VPS13A: variants seen among roughly 807,000 people sequenced by gnomAD.
The protein encoded by VPS13A is intermembrane lipid transfer protein VPS13A.
A neutral mutation model predicts 390.9 loss-of-function variants in VPS13A; 264 were observed. The ratio of observed to expected loss-of-function variants is 0.68; its 90% CI spans 0.61 to 0.75. The LOEUF (loss-of-function observed/expected upper bound fraction) is 0.75. Among genes scored for constraint, VPS13A ranks in the 30% least tolerant of loss-of-function variants. The probability of loss-of-function intolerance (pLI) is 0.00; values close to 1 mark genes in which losing one functional copy is unlikely to be tolerated. For synonymous variants in VPS13A, 1,231 were observed against 1,227.1 expected (o/e 1.00, Z -0.07); for missense variants, 3,409 against 3,733.9 (o/e 0.91, Z 2.27).
intron 4 of VPS13A, 96 bp downstream of exon 4, chr9:77,205,504 T>A: frequency 1.9e-6 from 1 of 536,480 alleles, no homozygotes; most frequent in Admixed American, 4.3e-5. Flanking sequence ...TTTTTGAGAT[T>A]TTAATATTTA....
intron 7 of VPS13A, among the ~76,000 whole-genome samples, chr9:77,212,567 C>T (rs1328999344): frequency 1.3e-5 from 2 of 152,090 alleles, no homozygotes; most frequent in East Asian, 1.9e-4. Flanking sequence ...AACTCCTGGC[C>T]TCAAGCAATC....
chr9:77,347,513 G>C (rs764867077), intron 52 of VPS13A, among the ~76,000 whole-genome samples: 3 of 152,042 alleles, frequency 2.0e-5, no homozygotes, highest in African/African-American at 2.4e-5. Context: ...GTCTCAATCT[G>C]TTGCCCAGGC....
At chr9:77,310,929 A>T (rs1253656972) in intron 35 of VPS13A, among the ~76,000 whole-genome samples, 2 of 145,924 alleles carry the variant, frequency 1.4e-5, no homozygotes, top group Non-Finnish European at 3.0e-5. Flanking sequence ...ACTTTCACTA[A>T]TTTTTTTTTT....
In VPS13A at chr9:77,177,546, C is replaced by A; in HGVS notation, c.-159C>A. On this transcript the variant is annotated 5_prime_UTR_variant, in exon 1 of 72. Transcript: ENST00000360280. ...CGTGAGAGCGACCGCCTCCGTCTCT[C>A]GCTGGGCTCGCTAGGGCTGCGCGTT... is the stretch of plus-strand genomic sequence containing the variant. 1.5e-6 allele frequency: 1 copy of A among 673,018 alleles called. No homozygotes were observed. Among genetic ancestry groups the A allele is most frequent in the Non-Finnish European group, 2.6e-6 (1 of 381,282 alleles). The allele number at this position is 673,018 out of a possible 1,614,324, so 41.7% of individuals were successfully genotyped here. A position where few individuals can be genotyped will look rare whatever the true frequency, so the allele number is the denominator to read the frequency against.
chr9:77,269,969 C>G (rs1288884987), intron 23 of VPS13A, among the ~76,000 whole-genome samples: 2 of 152,090 alleles, frequency 1.3e-5, no homozygotes, highest in Non-Finnish European at 2.9e-5. Flanking sequence ...TGAGGAAAGC[C>G]CATGTGAGGA....
In VPS13A at chr9:77,419,647, G is replaced by T. The variant is rs1484758622; in HGVS notation, c.*3641G>T. On this transcript the variant is annotated 3_prime_UTR_variant, in exon 72 of 72. Transcript: ENST00000360280. ...CGGGCAACCTCACATGATTCAGTGGGACCAGAAAAAGCATAGAAAAATTAG... is the reference window on the plus strand; with the variant it reads ...CGGGCAACCTCACATGATTCAGTGGTACCAGAAAAAGCATAGAAAAATTAG... 6.6e-6 allele frequency: 1 copy of T among 151,918 alleles called. No individual in the cohort carries two copies. The highest frequency in any genetic ancestry group is 2.4e-5 in the African/African-American group (1 of 41,332). 9.4% of individuals were successfully genotyped at this position (151,918 alleles called of 1,614,324 possible). A position where few individuals can be genotyped will look rare whatever the true frequency, so the allele number is the denominator to read the frequency against.
intron 17 of VPS13A, among the ~76,000 whole-genome samples, chr9:77,232,295 G>A (rs1417013662): frequency 6.6e-6 from 1 of 152,082 alleles, no homozygotes; most frequent in Non-Finnish European, 1.5e-5. Context: ...TCCATTTCTG[G>A]AAAGTGTCTC....
chr9:77,300,460 G>T (rs575293391), intron 33 of VPS13A, among the ~76,000 whole-genome samples: 9 of 152,274 alleles, frequency 5.9e-5, no homozygotes, highest in African/African-American at 1.4e-4. Context: ...TGCTGGGCAC[G>T]TTGGCTTACG....
At chr9:77,199,081 C>G (rs1283446588) in intron 1 of VPS13A, among the ~76,000 whole-genome samples, 1 of 152,176 alleles carries the variant, frequency 6.6e-6, no homozygotes, top group African/African-American at 2.4e-5. Context: ...TTGCTAATTA[C>G]TTTCTATGTG....
chr9:77,260,771 C>CAAT (rs1407316586), intron 23 of VPS13A, among the ~76,000 whole-genome samples: 1 of 152,138 alleles, frequency 6.6e-6, no homozygotes, highest in African/African-American at 2.4e-5. Flanking sequence ...CTCTCCTGAG[C>CAAT]AATAACACTG....
intron 53 of VPS13A, 134 bp from the exon 54 acceptor site, chr9:77,353,275 T>C: frequency 1.5e-6 from 1 of 653,714 alleles, no homozygotes; most frequent in Non-Finnish European, 2.7e-6. Context: ...ATTAATTCAT[T>C]TAGTTGCCAC....
At chr9:77,231,108 C>A (rs1345252541) in intron 17 of VPS13A, among the ~76,000 whole-genome samples, 1 of 152,066 alleles carries the variant, frequency 6.6e-6, no homozygotes, top group African/African-American at 2.4e-5. Context: ...GAACTTGTTT[C>A]ATTAGTTCAA....
rs1831075037 is a variant in VPS13A at position 77,345,087 on chromosome 9, G to A, written c.7234G>A (p.Ala2412Thr). The A allele has an allele frequency of 6.2e-7, 1 of 1,613,256 alleles. No individual in the cohort carries two copies. ...ATTTTTAGATTATCATGATGGAGCA[G>A]CTACATTCCTCTTAATAAATCACAC... ...ITFLDYHDGA[A>T]TFLLINHTKN... The change falls in exon 52 of 72, where the codon GCT (alanine) becomes ACT (threonine). Residue 2412 changes from alanine to threonine, a missense_variant. Physicochemically the swap from Ala to Thr is moderately conservative, Grantham distance 58. Around this residue, in one of 5 missense-constraint regions of VPS13A, gnomAD observed 2,717 missense variants for 2,917.4 expected, o/e 0.93. Transcript: ENST00000360280.
intron 62 of VPS13A, among the ~76,000 whole-genome samples, chr9:77,368,696 A>G (rs562469563): frequency 5.3e-5 from 8 of 152,300 alleles, no homozygotes; most frequent in Non-Finnish European, 1.0e-4. Context: ...TGTTTCTCCA[A>G]TCTATAAAAC....
intron 34 of VPS13A, among the ~76,000 whole-genome samples, chr9:77,306,408 G>GTT (rs1207873918): frequency 7.5e-5 from 10 of 134,214 alleles, no homozygotes; most frequent in African/African-American, 2.7e-4. Flanking sequence ...GAGAGTGTGT[G>GTT]TGTGTTTGTG....
At chr9:77,332,657 C>T (rs1469285634) in intron 46 of VPS13A, among the ~76,000 whole-genome samples, 1 of 151,710 alleles carries the variant, frequency 6.6e-6, no homozygotes, top group Admixed American at 6.6e-5. Flanking sequence ...AAAATATGAG[C>T]TAGTCTTATA....
chr9:77,400,222 GATTT>G (rs1389993693), intron 68 of VPS13A, among the ~76,000 whole-genome samples: 1 of 84,612 alleles, frequency 1.2e-5, no homozygotes, highest in Non-Finnish European at 2.2e-5. Flanking sequence ...TTATCAGTCA[GATTT>G]TTTTTTTTTT....
chr9:77,244,293 C>T (rs920532240), intron 19 of VPS13A, among the ~76,000 whole-genome samples: 3 of 152,020 alleles, frequency 2.0e-5, no homozygotes, highest in Admixed American at 1.3e-4. Flanking sequence ...ACTGAGACAG[C>T]GTTCCCTAGG....
At chr9:77,403,689 T>C (rs890877199) in intron 69 of VPS13A, among the ~76,000 whole-genome samples, 2 of 152,310 alleles carry the variant, frequency 1.3e-5, no homozygotes, top group South Asian at 4.1e-4. Flanking sequence ...TTAGAATATA[T>C]ATAGATTGAC....
Sources: gnomAD v4.1 joint callset for allele counts (sites outside exome capture counted in the v4.1 genomes callset) on GRCh38, gnomAD v4.1.1 for gene constraint, gnomAD v4.1.1 regional missense constraint, MANE v1.5 for transcripts, NCBI Gene and HGNC (gene_info 2026-07-23, HGNC 2026-07-21) for gene names.